Variants in WDPCP observed in about 807,000 individuals in gnomAD.
WDPCP encodes the protein WD repeat containing planar cell polarity effector, also known as WD repeat-containing and planar cell polarity effector protein fritz homolog.
In WDPCP, 71 loss-of-function variants were observed where a neutral mutation model predicts 93.1. The ratio of observed to expected loss-of-function variants is 0.76; its 90% CI spans 0.63 to 0.93. The LOEUF (loss-of-function observed/expected upper bound fraction) is 0.93. Ranked by LOEUF, WDPCP falls within the 40% of genes least tolerant of loss-of-function variation. WDPCP has a pLI of 0.00. For synonymous variants in WDPCP, 315 were observed against 315.0 expected, an observed-to-expected ratio of 1.00 and a Z score of 0.00; for missense variants, 844 against 887.4, an observed-to-expected ratio of 0.95 and a Z score of 0.62.
At chr2:63,775,883 G>C (rs1670294518) in intron 2 of WDPCP, among the ~76,000 whole-genome samples, 1 of 152,118 alleles carries the variant, frequency 6.6e-6, no homozygotes, top group Non-Finnish European at 1.5e-5. Flanking sequence ...CTTAAGGGAA[G>C]ATGCCCAGGC....
At chr2:63,637,105 G>GA (rs1409094615) in intron 3 of WDPCP, among the ~76,000 whole-genome samples, 2 of 152,088 alleles carry the variant, frequency 1.3e-5, no homozygotes, top group Non-Finnish European at 2.9e-5. Flanking sequence ...TGTAATCCCA[G>GA]AACTTTGGTA....
At chr2:63,252,387 C>G (rs1034822175) in intron 14 of WDPCP, among the ~76,000 whole-genome samples, 3 of 152,120 alleles carry the variant, frequency 2.0e-5, no homozygotes, top group Non-Finnish European at 4.4e-5. Context: ...CAAAGATGCC[C>G]ACACTCATCA....
At chr2:63,391,454 G>A (rs181049669) in intron 10 of WDPCP, among the ~76,000 whole-genome samples, 1 of 151,946 alleles carries the variant, frequency 6.6e-6, no homozygotes, top group Non-Finnish European at 1.5e-5. Flanking sequence ...GGGCAAAAAC[G>A]GGAAGCATTC....
chr2:63,261,616 T>A (rs1210071772), intron 13 of WDPCP, among the ~76,000 whole-genome samples: 1 of 152,196 alleles, frequency 6.6e-6, no homozygotes, highest in Non-Finnish European at 1.5e-5. Context: ...TTAAGTGAAG[T>A]GTTACCTCCT....
chr2:63,742,132 T>C (rs1248954437), intron 2 of WDPCP, among the ~76,000 whole-genome samples: 1 of 152,068 alleles, frequency 6.6e-6, no homozygotes, highest in African/African-American at 2.4e-5. Context: ...CCAGGAATAT[T>C]AGTCTCCCCT....
At chr2:63,514,907 C>G (rs781373681) in intron 1 of WDPCP, among the ~76,000 whole-genome samples, 2 of 152,074 alleles carry the variant, frequency 1.3e-5, no homozygotes, top group Admixed American at 6.5e-5. Flanking sequence ...TTCCCATACC[C>G]TCCTTTCAAG....
chr2:63,567,846 C>T (rs887398434), intron 1 of WDPCP, among the ~76,000 whole-genome samples: 24 of 152,036 alleles, frequency 1.6e-4, no homozygotes, highest in Non-Finnish European at 4.4e-5. Flanking sequence ...TTTCACGATG[C>T]CAGGCATCCA....
At chr2:63,346,026 T>C (rs1440921874) in intron 12 of WDPCP, among the ~76,000 whole-genome samples, 1 of 152,110 alleles carries the variant, frequency 6.6e-6, no homozygotes, top group Non-Finnish European at 1.5e-5. Flanking sequence ...CCTCTCGGAT[T>C]GGATTAAGAG....
At chr2:63,214,827 T>C (rs1677174131) in intron 14 of WDPCP, among the ~76,000 whole-genome samples, 1 of 151,934 alleles carries the variant, frequency 6.6e-6, no homozygotes, top group African/African-American at 2.4e-5. Flanking sequence ...TGTACACCAA[T>C]AACAGACAAA....
chr2:63,460,331 A>G (rs565945953), intron 6 of WDPCP, among the ~76,000 whole-genome samples: 2 of 152,180 alleles, frequency 1.3e-5, no homozygotes, highest in Non-Finnish European at 2.9e-5. Flanking sequence ...AAAGACTGGG[A>G]ATCGGGGGTG....
chr2:63,644,228 T>G (rs1173491690), intron 3 of WDPCP, among the ~76,000 whole-genome samples: 2 of 149,758 alleles, frequency 1.3e-5, no homozygotes, highest in African/African-American at 4.9e-5. Context: ...TGTGCAAGTA[T>G]TTCTTTCTCC....
chr2:63,321,581 C>T (rs7585664), intron 12 of WDPCP, among the ~76,000 whole-genome samples: 123,402 of 152,128 alleles, frequency 0.81, 50,818 homozygotes, highest in East Asian at 0.96. Flanking sequence ...TTCTGCTTTA[C>T]GAAGATTCCT....
intron 12 of WDPCP, among the ~76,000 whole-genome samples, chr2:63,367,657 C>A (rs1691022533): frequency 1.3e-5 from 2 of 151,952 alleles, no homozygotes; most frequent in South Asian, 4.2e-4. Flanking sequence ...AAATAGAAGG[C>A]CATAATATTT....
chr2:63,434,913 T>C (rs1697034740), intron 8 of WDPCP, among the ~76,000 whole-genome samples: 1 of 152,172 alleles, frequency 6.6e-6, no homozygotes. Flanking sequence ...ATGTATTGTA[T>C]TTAGTAAATA....
At chr2:63,600,838 G>A (rs1418437722) in intron 3 of WDPCP, among the ~76,000 whole-genome samples, 1 of 152,144 alleles carries the variant, frequency 6.6e-6, no homozygotes, top group Non-Finnish European at 1.5e-5. Context: ...TAAAGGAAGA[G>A]ATATTATACA....
At chr2:63,390,166 T>G (rs1457438601) in intron 10 of WDPCP, among the ~76,000 whole-genome samples, 2 of 152,082 alleles carry the variant, frequency 1.3e-5, no homozygotes, top group African/African-American at 4.8e-5. Context: ...CCTCAGCAAA[T>G]GTAGAAGAAC....
intron 2 of WDPCP, among the ~76,000 whole-genome samples, chr2:63,490,104 T>TAA (rs60420871): frequency 1.1e-3 from 143 of 125,996 alleles, no homozygotes; most frequent in Admixed American, 1.8e-3. Context: ...CATGAAAATG[T>TAA]AAAAAAAAAA....
Position 63,657,453 on chromosome 2 carries a change from G to A in WDPCP, n.309-6615C>T, listed in dbSNP as rs137949924. On this transcript the variant is annotated intron_variant and non_coding_transcript_variant, in intron 2 of 4. Coordinates refer to the WDPCP transcript ENST00000467687. ...GATCTTCTGACCTCGTGATCTGCCC[G>A]CCTCGGCCTCCCAAAGTGCTGAGAT... Among the ~76,000 whole-genome samples, 176 of 152,110 alleles carry A rather than the reference G, an allele frequency of 1.2e-3. No homozygotes were observed. The Middle Eastern group carries it at 0.014, about 12-fold the overall frequency.
At chr2:63,315,877 T>C (rs1397048691) in intron 12 of WDPCP, among the ~76,000 whole-genome samples, 2 of 152,038 alleles carry the variant, frequency 1.3e-5, no homozygotes, top group South Asian at 2.1e-4. Flanking sequence ...TTAGAAGACC[T>C]TGAGTCTCCT....
Sources: allele counts gnomAD v4.1 joint callset (sites outside exome capture counted in the v4.1 genomes callset), GRCh38; gene constraint gnomAD v4.1.1; transcripts MANE v1.5; gene names NCBI Gene and HGNC (gene_info 2026-07-23, HGNC 2026-07-21).